WDFY4: variants seen among roughly 807,000 people sequenced by gnomAD.
The protein encoded by WDFY4 is WD repeat- and FYVE domain-containing protein 4.
WDFY4 carries 169 observed loss-of-function variants against 351.9 expected under a neutral mutation model. That is an observed-to-expected ratio of 0.48 (90% CI 0.42 to 0.55). The LOEUF is 0.55. Ranked by LOEUF, WDFY4 falls within the 20% of genes least tolerant of loss-of-function variation. The pLI, the probability that WDFY4 is intolerant of heterozygous loss-of-function variation, is 0.00. For synonymous variants in WDFY4, 1,622 were observed against 1,574.6 expected, an observed-to-expected ratio of 1.03 and a Z score of -0.71; for missense variants, 3,803 against 3,935.6, an observed-to-expected ratio of 0.97 and a Z score of 0.90.
chr10:48,763,207 T>C (rs1397215647), intron 13 of WDFY4, among the ~76,000 whole-genome samples: 1 of 152,222 alleles, frequency 6.6e-6, no homozygotes, highest in Non-Finnish European at 1.5e-5. Flanking sequence ...CCTTTTGAAG[T>C]CCATGAGATG....
chr10:48,920,967 T>C (rs190844642), intron 47 of WDFY4, among the ~76,000 whole-genome samples: 151 of 152,288 alleles, frequency 9.9e-4, no homozygotes, highest in African/African-American at 3.4e-3. Flanking sequence ...ATTTTTATAA[T>C]GAAAATTATA....
At chr10:48,915,408 T>C (rs1838424088) in intron 47 of WDFY4, among the ~76,000 whole-genome samples, 2 of 121,028 alleles carry the variant, frequency 1.7e-5, no homozygotes, top group South Asian at 6.3e-4. Flanking sequence ...CTGTGCCTCC[T>C]GCTTGCTGAT....
intron 47 of WDFY4, chr10:48,914,169 G>C (rs1838284780): frequency 6.8e-6 from 11 of 1,607,072 alleles, no homozygotes; most frequent in African/African-American, 4.0e-5. Context: ...CTTTTAGTAA[G>C]GGAGTGTTAG....
At chr10:48,889,158 G>A (rs2070586182) in intron 43 of WDFY4, among the ~76,000 whole-genome samples, 1 of 152,222 alleles carries the variant, frequency 6.6e-6, no homozygotes. Flanking sequence ...ATTCAGAATA[G>A]ACCAAGAAAG....
At chr10:48,826,946 G>A (rs2133037927) in intron 36 of WDFY4, 37 bp downstream of exon 36, 1 of 1,135,102 alleles carries the variant, frequency 8.8e-7, no homozygotes, top group East Asian at 3.3e-5. Flanking sequence ...TCTGCTGGTG[G>A]TCCATGCAGA....
intron 47 of WDFY4, 45 bp downstream of exon 47, chr10:48,901,908 C>T (rs981800981): frequency 1.3e-6 from 2 of 1,513,804 alleles, no homozygotes; most frequent in Admixed American, 2.0e-5. Flanking sequence ...ACTGCCCTGG[C>T]TTTGATGTTC....
intron 1 of WDFY4, among the ~76,000 whole-genome samples, chr10:48,705,583 G>A (rs1283146675): frequency 1.3e-5 from 2 of 152,110 alleles, no homozygotes; most frequent in South Asian, 4.1e-4. Context: ...GAGCAGGTGT[G>A]GCACGATCAG....
At position 48,957,179 on chromosome 10, in the gene WDFY4, G is replaced by T. The variant is rs191238854; in HGVS notation, c.8028G>T (p.Thr2676=). The change falls in exon 52 of 62, where the codon ACG becomes ACT. Residue 2676 remains threonine (T), a synonymous_variant. Transcript: ENST00000325239. ...GAATGTTCCACAGTGTGAAGAGCAC[G>T]TGGGAGTCGGCCTCCAGAGAGAACA... ...ADRMFHSVKS[T]WESASRENMS... The T allele has an allele frequency of 1.7e-5, 26 of 1,551,674 alleles. No homozygotes were observed. The Admixed American group carries it at 4.9e-4, about 29-fold the overall frequency.
chr10:48,845,778 G>A (rs2127592), intron 39 of WDFY4, among the ~76,000 whole-genome samples: 87,044 of 152,062 alleles, frequency 0.57, 26,549 homozygotes, highest in African/African-American at 0.79. Flanking sequence ...GAAAGAAAAT[G>A]ATCATAGAAG....
In WDFY4 at chr10:48,832,701, A is replaced by G; in HGVS notation, c.6655A>G (p.Lys2219Glu). 4 of 1,544,976 alleles carry G rather than the reference A, an allele frequency of 2.6e-6. No homozygotes were observed. Among genetic ancestry groups the G allele is most frequent in the Non-Finnish European group, 8.7e-7 (1 of 1,142,922 alleles). The change falls in exon 39 of 62, where the codon AAG becomes GAG. Residue 2219 changes from lysine to glutamate, a missense_variant. Physicochemically the swap from Lys to Glu is moderately conservative, Grantham distance 56. This residue lies in a region of WDFY4 where 3,054 missense variants were observed against 3,148.6 expected (regional missense o/e 0.97). Transcript: ENST00000325239. ...GCGGCAGGCCAAGGACCCTGAGTGC[A>G]AGACAGAGGTGAGCCCAGACCCCTT... ...PGRQAKDPEC[K>E]TEDFVSCIEN...
Position 48,719,009 on chromosome 10 carries a change from T to G in WDFY4, c.235-1002T>G, listed in dbSNP as rs76365532. ...ATTTTAAGGAAACTGAAAAAGAGAT[T>G]AAAAACAACAACTCGGACTGGAGAA... On this transcript the variant is annotated intron_variant, in intron 2 of 61. Coordinates refer to ENST00000325239, the MANE Select transcript of WDFY4 (RefSeq NM_001394531.1). Among the ~76,000 whole-genome samples the G allele has an allele frequency of 9.9e-3, 1,504 of 152,208 alleles. 16 individuals carry two copies. Among genetic ancestry groups the G allele is most frequent in the Non-Finnish European group, 0.016 (1,093 of 68,002 alleles).
chr10:48,703,193 T>C (rs2063528038), intron 1 of WDFY4, among the ~76,000 whole-genome samples: 1 of 152,194 alleles, frequency 6.6e-6, no homozygotes, highest in South Asian at 2.1e-4. Context: ...TATTTATTTA[T>C]TTTGGAGCGC....
At chr10:48,907,724 A>G (rs370728259) in intron 47 of WDFY4, among the ~76,000 whole-genome samples, 2 of 152,280 alleles carry the variant, frequency 1.3e-5, no homozygotes, top group South Asian at 4.1e-4. Flanking sequence ...TGCCCCCTAG[A>G]GATTCATGCC....
intron 40 of WDFY4, among the ~76,000 whole-genome samples, chr10:48,870,072 G>A (rs2663021): frequency 0.37 from 56,112 of 152,056 alleles, 10,702 homozygotes; most frequent in East Asian, 0.71. Flanking sequence ...GGTGGTGCCT[G>A]TTGGCCCATC....
At position 48,897,529 on chromosome 10, in the gene WDFY4, C is replaced by T. The variant is rs1354994477; in HGVS notation, c.7392C>T (p.Ser2464=). ...STDHYSCQCH[S]YADMRELRQA... The stretch of plus-strand genomic sequence containing the variant: ...ACCATTACTCGTGCCAGTGCCACAG[C>T]TACGCTGACATGCGGGAGCTACGGC... The change falls in exon 45 of 62, where the codon AGC becomes AGT. Residue 2464 remains serine (S), a synonymous_variant. Transcript: ENST00000325239. 1 of 1,551,082 alleles carries T rather than the reference C, an allele frequency of 6.4e-7. No homozygotes were observed. Among genetic ancestry groups the T allele is most frequent in the South Asian group, 1.2e-5 (1 of 84,062 alleles).
chr10:48,806,009 G>T lies in WDFY4; in HGVS notation c.4652G>T (p.Gly1551Val). Residue 1551 changes from glycine to valine, a missense_variant, in exon 27 of 62, where the codon GGG (glycine) becomes GTG (valine). Transcript: ENST00000325239. Reference sequence around the variant, plus strand: ...TTCTCTCCCTGTGTATAAAGGATTGGGCTGTTTGTTGTGTACACCCTCAAG... The same window carrying T: ...TTCTCTCCCTGTGTATAAAGGATTGTGCTGTTTGTTGTGTACACCCTCAAG... ...HFSTQDLLRIGLFVVYTLKPS... is the reference protein window; with the variant it reads ...HFSTQDLLRIVLFVVYTLKPS... 1 of 1,551,728 alleles carries T rather than the reference G, an allele frequency of 6.4e-7. No individual in the cohort carries two copies.
intron 12 of WDFY4, among the ~76,000 whole-genome samples, chr10:48,757,829 A>G (rs1156849819): frequency 6.6e-6 from 1 of 151,966 alleles, no homozygotes; most frequent in Non-Finnish European, 1.5e-5. Context: ...CAGTCTACTT[A>G]GAATTGACAT....
intron 43 of WDFY4, among the ~76,000 whole-genome samples, chr10:48,889,352 A>G (rs970825085): frequency 2.0e-5 from 3 of 152,194 alleles, no homozygotes; most frequent in African/African-American, 7.2e-5. Context: ...CATTTGGTGC[A>G]GGAGTTGGAA....
chr10:48,698,823 G>A (rs1212045894), intron 1 of WDFY4, among the ~76,000 whole-genome samples: 2 of 152,224 alleles, frequency 1.3e-5, no homozygotes, highest in African/African-American at 4.8e-5. Context: ...ACAATAGGAT[G>A]TGTGCATGTG....
Sources: allele counts gnomAD v4.1 joint callset (sites outside exome capture counted in the v4.1 genomes callset), GRCh38; gene constraint gnomAD v4.1.1; regional missense constraint gnomAD v4.1.1; transcripts MANE v1.5; gene names NCBI Gene and HGNC (gene_info 2026-07-23, HGNC 2026-07-21).